Variants in KCNQ5 observed in about 807,000 individuals in gnomAD.
KCNQ5 encodes the protein potassium voltage-gated channel subfamily KQT member 5.
Under a neutral mutation model 98.2 loss-of-function variants are expected in KCNQ5, and 30 were observed. The observed-to-expected ratio is 0.31, with a 90% CI of 0.23 to 0.41. The LOEUF (loss-of-function observed/expected upper bound fraction) is 0.41, where lower values mean the gene tolerates loss of function less well. Among genes scored for constraint, KCNQ5 ranks in the 10% least tolerant of loss-of-function variants. KCNQ5 has a pLI of 1.00. For missense variants in KCNQ5, 835 were observed against 1,182.5 expected (o/e 0.71, Z 4.31); for synonymous variants, 458 against 449.4 (o/e 1.02, Z -0.24).
At chr6:73,069,940 G>A (rs1773230925) in intron 3 of KCNQ5, among the ~76,000 whole-genome samples, 2 of 152,162 alleles carry the variant, frequency 1.3e-5, no homozygotes, top group African/African-American at 2.4e-5. Context: ...ACATTGTAGG[G>A]ATGACCAAGA....
chr6:72,677,489 T>A (rs774689256), intron 1 of KCNQ5, among the ~76,000 whole-genome samples: 1 of 152,234 alleles, frequency 6.6e-6, no homozygotes, highest in African/African-American at 2.4e-5. Flanking sequence ...ATGTTATCAG[T>A]GTCTGCTGTC....
intron 1 of KCNQ5, among the ~76,000 whole-genome samples, chr6:72,790,893 G>C (rs1262321720): frequency 2.0e-5 from 3 of 152,078 alleles, no homozygotes; most frequent in Admixed American, 1.3e-4. Context: ...TTCAACAAAG[G>C]GTTTTTGTTT....
At chr6:72,684,548 T>G (rs1258294921) in intron 1 of KCNQ5, among the ~76,000 whole-genome samples, 2 of 152,198 alleles carry the variant, frequency 1.3e-5, no homozygotes, top group Non-Finnish European at 2.9e-5. Context: ...TATTACACAT[T>G]GTATACATGT....
intron 3 of KCNQ5, among the ~76,000 whole-genome samples, chr6:73,073,337 C>T (rs928259159): frequency 2.6e-5 from 4 of 152,136 alleles, no homozygotes; most frequent in African/African-American, 7.2e-5. Context: ...AAATAATGTA[C>T]ATCAGGGTTT....
chr6:72,912,672 TTTC>T (rs563868399), intron 1 of KCNQ5, among the ~76,000 whole-genome samples: 2 of 152,242 alleles, frequency 1.3e-5, no homozygotes, highest in South Asian at 2.1e-4. Flanking sequence ...GATTATTTAT[TTTC>T]TTTTAAGTCT....
At chr6:73,112,724 A>G (rs1398422946) in intron 7 of KCNQ5, among the ~76,000 whole-genome samples, 2 of 152,096 alleles carry the variant, frequency 1.3e-5, no homozygotes, top group Non-Finnish European at 2.9e-5. Flanking sequence ...CCCTACCTTT[A>G]GTGTTTATCT....
chr6:72,898,516 T>A (rs1244951746), intron 1 of KCNQ5, among the ~76,000 whole-genome samples: 2 of 152,242 alleles, frequency 1.3e-5, no homozygotes, highest in Non-Finnish European at 2.9e-5. Context: ...CATTCCTTTT[T>A]ATGGCTGCAT....
chr6:72,760,018 G>A (rs1184191237), intron 1 of KCNQ5, among the ~76,000 whole-genome samples: 1 of 152,080 alleles, frequency 6.6e-6, no homozygotes, highest in Non-Finnish European at 1.5e-5. Flanking sequence ...GAGAAGTGCA[G>A]CCAATCCTGA....
intron 1 of KCNQ5, among the ~76,000 whole-genome samples, chr6:72,845,392 C>G (rs1259227778): frequency 6.6e-6 from 1 of 152,176 alleles, no homozygotes; most frequent in Non-Finnish European, 1.5e-5. Context: ...AACACCATCT[C>G]ACTTATACCT....
intron 9 of KCNQ5, among the ~76,000 whole-genome samples, chr6:73,130,832 A>G (rs1776204582): frequency 6.6e-6 from 1 of 152,232 alleles, no homozygotes; most frequent in African/African-American, 2.4e-5. Context: ...CCTGGTTAAA[A>G]AGTTCTTGAT....
At chr6:72,856,183 A>C (rs1777523903) in intron 1 of KCNQ5, among the ~76,000 whole-genome samples, 1 of 152,182 alleles carries the variant, frequency 6.6e-6, no homozygotes, top group South Asian at 2.1e-4. Flanking sequence ...CTAAGAAATC[A>C]ACACACATAA....
intron 5 of KCNQ5, among the ~76,000 whole-genome samples, chr6:73,098,670 A>T (rs542175651): frequency 5.3e-5 from 8 of 152,158 alleles, no homozygotes; most frequent in Non-Finnish European, 1.2e-4. Context: ...AGCCTTCATG[A>T]AGGAGAAATA....
chr6:73,117,776 G>A (rs1054026647), intron 7 of KCNQ5, among the ~76,000 whole-genome samples: 5 of 152,188 alleles, frequency 3.3e-5, no homozygotes, highest in Non-Finnish European at 5.9e-5. Flanking sequence ...TACAGAAGAA[G>A]CTGCAATCCT....
intron 1 of KCNQ5, among the ~76,000 whole-genome samples, chr6:72,829,059 G>A (rs16882930): frequency 0.26 from 40,169 of 151,788 alleles, 6,226 homozygotes; most frequent in African/African-American, 0.43. Flanking sequence ...TATATGACAC[G>A]TTCATGATAA....
chr6:73,153,075 A>G (rs910924277), intron 10 of KCNQ5, among the ~76,000 whole-genome samples: 1 of 152,180 alleles, frequency 6.6e-6, no homozygotes, highest in African/African-American at 2.4e-5. Context: ...GAGAGATTGC[A>G]CGCAACCTTC....
At chr6:72,750,144 T>C (rs1243825626) in intron 1 of KCNQ5, among the ~76,000 whole-genome samples, 1 of 152,022 alleles carries the variant, frequency 6.6e-6, no homozygotes, top group African/African-American at 2.4e-5. Flanking sequence ...AAGCAAATAA[T>C]CTGGCCACAA....
chr6:73,103,651 C>T (rs1774886949), intron 5 of KCNQ5, among the ~76,000 whole-genome samples: 1 of 151,742 alleles, frequency 6.6e-6, no homozygotes, highest in South Asian at 2.1e-4. Context: ...AAAAAATTAA[C>T]AGTTAAACTC....
At chr6:73,105,395 T>G in intron 6 of KCNQ5, 28 bp downstream of exon 6, 1 of 1,417,806 alleles carries the variant, frequency 7.1e-7, no homozygotes, top group Non-Finnish European at 9.9e-7. Flanking sequence ...AATAAAGCAG[T>G]TTAAATTAGA....
At chr6:72,681,808 T>C (rs1019240459) in intron 1 of KCNQ5, among the ~76,000 whole-genome samples, 1 of 152,212 alleles carries the variant, frequency 6.6e-6, no homozygotes, top group African/African-American at 2.4e-5. Flanking sequence ...CCTTTCAATA[T>C]CTTCAGTGCC....
Sources: gnomAD v4.1 joint callset for allele counts (sites outside exome capture counted in the v4.1 genomes callset) on GRCh38, gnomAD v4.1.1 for gene constraint, MANE v1.5 for transcripts, NCBI Gene and HGNC (gene_info 2026-07-23, HGNC 2026-07-21) for gene names.